The following KIF26B variants were observed in gnomAD, a reference collection of about 807,000 sequenced individuals.
The protein encoded by KIF26B is kinesin-like protein KIF26B.
In KIF26B, 63 loss-of-function variants were observed where a neutral mutation model predicts 151.2. That is an observed-to-expected ratio of 0.42 (90% CI 0.34 to 0.51). KIF26B has a LOEUF of 0.51. Among genes scored for constraint, KIF26B ranks in the 20% least tolerant of loss-of-function variants. The probability of loss-of-function intolerance (pLI) is 0.07; values close to 1 mark genes in which losing one functional copy is unlikely to be tolerated. For missense variants in KIF26B, 2,813 were observed against 2,913.6 expected (o/e 0.97, Z 0.79); for synonymous variants, 1,357 against 1,262.1 (o/e 1.08, Z -1.59).
chr1:245,551,114 C>T (rs1327858409), intron 5 of KIF26B, among the ~76,000 whole-genome samples: 6 of 152,172 alleles, frequency 3.9e-5, no homozygotes, highest in Non-Finnish European at 8.8e-5. Flanking sequence ...GGCCCTGACA[C>T]GGTTCACTGC....
chr1:245,201,061 G>A (rs1458686606), intron 2 of KIF26B, among the ~76,000 whole-genome samples: 1 of 152,178 alleles, frequency 6.6e-6, no homozygotes, highest in African/African-American at 2.4e-5. Context: ...TTACACCCAA[G>A]ACAGCTGAAG....
chr1:245,217,258 C>T (rs193268330), intron 2 of KIF26B, among the ~76,000 whole-genome samples: 79 of 152,120 alleles, frequency 5.2e-4, no homozygotes, highest in South Asian at 8.3e-4. Flanking sequence ...CAGGAAACGC[C>T]GTATTGAGGA....
intron 10 of KIF26B, among the ~76,000 whole-genome samples, chr1:245,672,506 C>T (rs911731655): frequency 6.6e-6 from 1 of 152,190 alleles, no homozygotes; most frequent in Non-Finnish European, 1.5e-5. Context: ...TTTCTGTCAT[C>T]CCTCCTGGAA....
At chr1:245,198,895 G>T (rs1469916056) in intron 2 of KIF26B, among the ~76,000 whole-genome samples, 1 of 146,628 alleles carries the variant, frequency 6.8e-6, no homozygotes, top group East Asian at 2.1e-4. Flanking sequence ...CGGGGGGTCA[G>T]GAAGGCGTGG....
chr1:245,612,095 TGTGTGTGTGTGAGAGAGA>T (rs1160703660), intron 9 of KIF26B, 119 bp downstream of exon 9: 551 of 695,434 alleles, frequency 7.9e-4, no homozygotes, highest in African/African-American at 1.7e-3. Flanking sequence ...TGTGTGTGTG[TGTGTGTGTGTGAGAGAGA>T]GAGAGAGAGA....
chr1:245,579,417 C>T (rs1347322659), intron 5 of KIF26B, among the ~76,000 whole-genome samples: 3 of 151,612 alleles, frequency 2.0e-5, no homozygotes, highest in Non-Finnish European at 4.4e-5. Context: ...AGGACCACTG[C>T]AGCCCAGGAG....
chr1:245,329,058 C>G (rs767632554), intron 2 of KIF26B, among the ~76,000 whole-genome samples: 44 of 152,156 alleles, frequency 2.9e-4, no homozygotes, highest in Non-Finnish European at 4.3e-4. Context: ...CTGGATATTG[C>G]TAGAAAACAC....
chr1:245,615,141 A>G (rs2043574972), intron 9 of KIF26B: 1 of 152,196 alleles, frequency 6.6e-6, no homozygotes, highest in South Asian at 2.1e-4. Context: ...TAAGAGTCTG[A>G]CAAATGTTTA....
rs2042979514 is a variant in KIF26B at position 245,563,829 on chromosome 1, C to T, written c.1350+22879C>T. Among the ~76,000 whole-genome samples, 2 of 152,176 alleles carry T rather than the reference C, an allele frequency of 1.3e-5. No individual in the cohort carries two copies. The highest frequency in any genetic ancestry group is 2.9e-5 in the Non-Finnish European group (2 of 68,028). On this transcript the variant is annotated intron_variant, in intron 5 of 14. Coordinates refer to ENST00000407071, the MANE Select transcript of KIF26B (RefSeq NM_018012.4). The surrounding 1 kb of genome is among the most constrained non-coding windows in gnomAD (Gnocchi z 4.6). ...CCCCAGACCCTCTGAAGGAAGCGGG[C>T]TCCTGCAGGACCCGGGAGACAGTGT...
chr1:245,393,179 G>GA (rs879279339), intron 3 of KIF26B, among the ~76,000 whole-genome samples: 6 of 149,706 alleles, frequency 4.0e-5, no homozygotes, highest in Non-Finnish European at 5.9e-5. Flanking sequence ...TTAAAAGAAA[G>GA]AAAAAAAAAA....
chr1:245,447,221 G>C (rs1030435269), intron 4 of KIF26B, among the ~76,000 whole-genome samples: 10 of 152,036 alleles, frequency 6.6e-5, no homozygotes, highest in Admixed American at 1.3e-4. Context: ...GGTGCTTTAG[G>C]GTGCTTTGCA....
At chr1:245,313,901 G>C (rs1671711653) in intron 2 of KIF26B, among the ~76,000 whole-genome samples, 1 of 152,124 alleles carries the variant, frequency 6.6e-6, no homozygotes, top group Non-Finnish European at 1.5e-5. Context: ...ACCCTCCCCA[G>C]TCTCTTCTTT....
In KIF26B at chr1:245,522,005, G is replaced by A. The variant is rs898377032; in HGVS notation, c.1167-18762G>A. On this transcript the variant is annotated intron_variant, in intron 4 of 14. Coordinates refer to ENST00000407071, the MANE Select transcript of KIF26B (RefSeq NM_018012.4). ...CTGCCTCAGCCTCCCAAGTAGCTGG[G>A]ACTACAGGCACCCGCCACCATGCCC... Among the ~76,000 whole-genome samples, 6 of 151,656 alleles carry A rather than the reference G, an allele frequency of 4.0e-5. No individual in the cohort carries two copies. The East Asian group carries it at 5.8e-4, about 15-fold the overall frequency.
At position 245,611,983 on chromosome 1, in the gene KIF26B, C is replaced by A. The variant is rs116826447; in HGVS notation, c.2098+7C>A. ...AAGAGCGGGAAAGGGGGAAGTAAGT[C>A]GGCCACTCCACCCTCCTGCCTCCTT... On this transcript the variant is annotated splice_region_variant and intron_variant, in intron 9 of 14. Transcript: ENST00000407071. The A allele has an allele frequency of 6.2e-7, 1 of 1,609,540 alleles. No individual in the cohort carries two copies. The highest frequency in any genetic ancestry group is 8.5e-7 in the Non-Finnish European group (1 of 1,176,804).
intron 4 of KIF26B, among the ~76,000 whole-genome samples, chr1:245,465,041 C>T (rs1167782669): frequency 2.0e-4 from 29 of 141,524 alleles, no homozygotes; most frequent in South Asian, 4.6e-4. Flanking sequence ...TGCAGGGGCG[C>T]GATCTCGGCT....
chr1:245,361,576 C>T (rs1032244250), intron 2 of KIF26B, among the ~76,000 whole-genome samples: 5 of 152,196 alleles, frequency 3.3e-5, no homozygotes, highest in Non-Finnish European at 5.9e-5. Context: ...ACCTTGGGTT[C>T]AGACTCCGGG....
chr1:245,623,572 C>T (rs1373976386), intron 9 of KIF26B, among the ~76,000 whole-genome samples: 4 of 152,084 alleles, frequency 2.6e-5, no homozygotes, highest in African/African-American at 4.8e-5. Context: ...TCTGAAAATT[C>T]GAAATCCGAG....
chr1:245,180,261 G>T (rs538772743), intron 2 of KIF26B, among the ~76,000 whole-genome samples: 1 of 151,880 alleles, frequency 6.6e-6, no homozygotes, highest in Non-Finnish European at 1.5e-5. Flanking sequence ...TCTCTTTGGG[G>T]TAAACATTCA....
chr1:245,492,713 T>A (rs1660433023), intron 4 of KIF26B, among the ~76,000 whole-genome samples: 1 of 152,194 alleles, frequency 6.6e-6, no homozygotes. Flanking sequence ...TCAAAGTAGG[T>A]GGGGCTATAG....
Sources: allele counts gnomAD v4.1 joint callset (sites outside exome capture counted in the v4.1 genomes callset), GRCh38; gene constraint gnomAD v4.1.1; non-coding constraint Gnocchi (gnomAD v3.1); transcripts MANE v1.5; gene names NCBI Gene and HGNC (gene_info 2026-07-23, HGNC 2026-07-21).